The following CMC2 variants were observed in gnomAD, a reference collection of about 807,000 sequenced individuals.
CMC2 encodes C-X9-C motif containing 2.
CMC2 carries 5 observed loss-of-function variants against 7.5 expected under a neutral mutation model. The observed-to-expected ratio is 0.66, with a 90% CI of 0.35 to 1.40. CMC2 has a LOEUF of 1.40. Ranked by LOEUF, CMC2 falls within the 40% of genes most tolerant of loss-of-function variation. CMC2 has a pLI of 0.04. For missense variants in CMC2, 115 were observed against 92.3 expected (o/e 1.25, Z -1.01); for synonymous variants, 37 against 31.4 (o/e 1.18, Z -0.60).
intron 2 of CMC2, among the ~76,000 whole-genome samples, chr16:80,986,807 T>G (rs1433592066): frequency 6.6e-6 from 1 of 152,246 alleles, no homozygotes; most frequent in Non-Finnish European, 1.5e-5. Context: ...ATGTTGAGTT[T>G]ATTGGTGGAA....
At chr16:80,993,197 T>A (rs989300174) in intron 2 of CMC2, among the ~76,000 whole-genome samples, 5 of 152,170 alleles carry the variant, frequency 3.3e-5, no homozygotes, top group African/African-American at 1.2e-4. Flanking sequence ...AAGAACAAAC[T>A]GAATATATAA....
chr16:81,005,870 G>A lies in CMC2; in HGVS notation c.-36+864C>T, dbSNP rs74028895. Among the ~76,000 whole-genome samples the A allele has an allele frequency of 3.0e-3, 456 of 152,318 alleles. 2 individuals are homozygous for A. The highest frequency in any genetic ancestry group is 0.011 in the African/African-American group (446 of 41,570). ...TCAAGGAACGCACAGGCTCGTGAGG[G>A]AGCATTCTTGCCAATGCACATGGTA... On this transcript the variant is annotated intron_variant, in intron 1 of 3. Coordinates refer to ENST00000219400, the MANE Select transcript of CMC2 (RefSeq NM_020188.5).
intron 3 of CMC2, among the ~76,000 whole-genome samples, chr16:80,981,095 T>A (rs1477381): frequency 1.3e-5 from 2 of 148,562 alleles, no homozygotes. Flanking sequence ...AAAAAAAAAG[T>A]TCAAAAATAA....
At chr16:80,996,487 G>C (rs1968425148) in intron 2 of CMC2, among the ~76,000 whole-genome samples, 2 of 152,258 alleles carry the variant, frequency 1.3e-5, no homozygotes, top group South Asian at 4.1e-4. Context: ...TATGTATAGT[G>C]AAATAGCCCA....
intron 2 of CMC2, among the ~76,000 whole-genome samples, chr16:80,988,216 T>A (rs371942251): frequency 6.6e-6 from 1 of 152,192 alleles, no homozygotes; most frequent in African/African-American, 2.4e-5. Flanking sequence ...CCCCCCCAGA[T>A]ATAGACCTGC....
rs1911979065 is a variant in CMC2, at chr16:80,972,198, T to G, written c.*3895A>C. The G allele has an allele frequency of 6.6e-6, 1 of 152,224 alleles. No individual in the cohort carries two copies. Among genetic ancestry groups the G allele is most frequent in the African/African-American group, 2.4e-5 (1 of 41,454 alleles). The allele number at this position is 152,224 out of a possible 1,614,324, so 9.4% of individuals were successfully genotyped here. A position where few individuals can be genotyped will look rare whatever the true frequency, so the allele number is the denominator to read the frequency against. On this transcript the variant is annotated 3_prime_UTR_variant, in exon 4 of 4. Transcript: ENST00000219400. ...TCTGCTATGTACTTATCTCCTTCAG[T>G]GACCTCTCTAGAGGAGGCAGGGATG...
rs553876168 is a variant in CMC2, at chr16:80,970,513, G to A, written c.*5580C>T. 2.6e-5 allele frequency: 4 copies of A among 152,336 alleles called. No homozygotes were observed. Among genetic ancestry groups the A allele is most frequent in the East Asian group, 1.9e-4 (1 of 5,184 alleles). The allele number at this position is 152,336 out of a possible 1,614,324, so 9.4% of individuals were successfully genotyped here. On this transcript the variant is annotated 3_prime_UTR_variant, in exon 4 of 4. Transcript: ENST00000219400. ...CAAATTTGCTACTTGTCAGTGAAAT[G>A]TAAGGATTTAACATCAGTCACAAGA...
At chr16:80,980,888 A>G (rs1471765581) in intron 3 of CMC2, 1 of 696,284 alleles carries the variant, frequency 1.4e-6, no homozygotes, top group Non-Finnish European at 2.6e-6. Context: ...ACCTGTCTCA[A>G]AAGAAAAAAG....
chr16:81,000,576 T>C (rs1053928679), intron 1 of CMC2, among the ~76,000 whole-genome samples: 1 of 151,838 alleles, frequency 6.6e-6, no homozygotes, highest in Non-Finnish European at 1.5e-5. Context: ...GATATACAAG[T>C]GGCCAAAAAA....
intron 2 of CMC2, 56 bp downstream of exon 2, chr16:80,997,258 A>G: frequency 1.1e-6 from 1 of 928,498 alleles, no homozygotes; most frequent in Non-Finnish European, 1.8e-6. Flanking sequence ...ATTTTACATC[A>G]GTGGGTTATA....
intron 1 of CMC2, among the ~76,000 whole-genome samples, chr16:81,003,333 C>T (rs1969004204): frequency 1.3e-5 from 2 of 152,222 alleles, no homozygotes; most frequent in Non-Finnish European, 2.9e-5. Context: ...TCTTCAAAGT[C>T]ATAAGAAGAT....
rs970943876 is a variant in CMC2 at position 80,980,674 on chromosome 16, G to C, written c.153+1132C>G. 6 of 518,564 alleles carry C rather than the reference G, an allele frequency of 1.2e-5. No homozygotes were observed. In the African/African-American group the frequency reaches 1.2e-4, roughly 10 times the overall value. 32.1% of individuals were successfully genotyped at this position (518,564 alleles called of 1,614,324 possible). A position where few individuals can be genotyped will look rare whatever the true frequency, so the allele number is the denominator to read the frequency against. ...GGAGGCCAAGGTGGGAGGACTGCTTGAGGTTAGCAGTTTGAGACCAGCCTG... is the reference window on the plus strand; with the variant it reads ...GGAGGCCAAGGTGGGAGGACTGCTTCAGGTTAGCAGTTTGAGACCAGCCTG... On this transcript the variant is annotated intron_variant, in intron 3 of 3. Coordinates refer to ENST00000219400, the MANE Select transcript of CMC2 (RefSeq NM_020188.5).
chr16:80,997,244 T>C, intron 2 of CMC2, 70 bp downstream of exon 2: 1 of 874,934 alleles, frequency 1.1e-6, no homozygotes, highest in Non-Finnish European at 2.0e-6. Flanking sequence ...TCAACGGAGA[T>C]AACATTTTAC....
rs1364804384 is a variant in CMC2 at position 80,981,841 on chromosome 16, C to T, written c.118G>A (p.Val40Ile). 5.0e-6 allele frequency: 8 copies of T among 1,610,968 alleles called. No homozygotes were observed. In the East Asian group the frequency reaches 1.8e-4, roughly 36 times the overall value. ...ILKFFGYCNDVDRELRKCLKN... is the reference protein window; with the variant it reads ...ILKFFGYCNDIDRELRKCLKN... ...AGGCATTTTCTCAACTCCCGATCAA[C>T]ATCATTACAATAACCAAAAAATTTC... Residue 40 changes from valine (V) to isoleucine (I), a missense_variant, in exon 3 of 4, where the codon GTT becomes ATT. Physicochemically the swap from Val to Ile is conservative, Grantham distance 29. Transcript: ENST00000219400.
chr16:80,967,062 T>G lies in CMC2; in HGVS notation c.*9031A>C, dbSNP rs1911604784. The G allele has an allele frequency of 6.6e-6, 1 of 152,242 alleles. No homozygotes were observed. 9.4% of individuals were successfully genotyped at this position (152,242 alleles called of 1,614,324 possible). A position where few individuals can be genotyped will look rare whatever the true frequency, so the allele number is the denominator to read the frequency against. ...CTTTATTCACTAAAAATTCATTCAT[T>G]CAGTGAAAAAGCATTTATTGAATAC... On this transcript the variant is annotated 3_prime_UTR_variant, in exon 4 of 4. Transcript: ENST00000219400.
intron 1 of CMC2, among the ~76,000 whole-genome samples, chr16:81,004,315 G>A (rs76400461): frequency 0.022 from 3,416 of 152,300 alleles, 118 homozygotes; most frequent in African/African-American, 0.078. Context: ...GTGAAATAGA[G>A]AGGGATAAAT....
chr16:81,005,195 G>A (rs1039359412), intron 1 of CMC2, among the ~76,000 whole-genome samples: 2 of 152,160 alleles, frequency 1.3e-5, no homozygotes, highest in Admixed American at 6.5e-5. Context: ...TCGGGAGGCC[G>A]AGGCAGGCAG....
At chr16:81,004,062 A>G (rs1157613014) in intron 1 of CMC2, among the ~76,000 whole-genome samples, 1 of 152,162 alleles carries the variant, frequency 6.6e-6, no homozygotes, top group African/African-American at 2.4e-5. Flanking sequence ...GTCTCTACTA[A>G]AAATACAAAA....
chr16:80,980,803 G>A (rs1394930408), intron 3 of CMC2: 1 of 699,572 alleles, frequency 1.4e-6, no homozygotes, highest in South Asian at 1.5e-5. Context: ...GCTGAGGTGG[G>A]AGGATCACTT....
Sources: allele counts gnomAD v4.1 joint callset (sites outside exome capture counted in the v4.1 genomes callset), GRCh38; gene constraint gnomAD v4.1.1; transcripts MANE v1.5; gene names NCBI Gene and HGNC (gene_info 2026-07-23, HGNC 2026-07-21).